The following C1QTNF3 variants were observed in gnomAD, a reference collection of about 807,000 sequenced individuals.
C1QTNF3 encodes the protein complement C1q tumor necrosis factor-related protein 3.
In C1QTNF3, 26 loss-of-function variants were observed where a neutral mutation model predicts 32.6. The ratio of observed to expected loss-of-function variants is 0.80; its 90% confidence interval spans 0.58 to 1.11. C1QTNF3 has a LOEUF of 1.11. C1QTNF3 is among the 50% of genes least tolerant of loss of function. The pLI is 0.00. For missense variants in C1QTNF3, 362 were observed against 398.2 expected (o/e 0.91, Z 0.77); for synonymous variants, 155 against 146.0 (o/e 1.06, Z -0.44).
chr5:34,220,493 T>C, the C1QTNF3 span, among the ~76,000 whole-genome samples: 1 of 145,772 alleles, frequency 6.9e-6, no homozygotes, highest in African/African-American at 2.5e-5. Context: ...TCAGTTAGCA[T>C]ACACACACAC....
At chr5:34,105,153 TCA>T in the C1QTNF3 span, among the ~76,000 whole-genome samples, 2 of 152,226 alleles carry the variant, frequency 1.3e-5, no homozygotes, top group African/African-American at 4.8e-5. Flanking sequence ...ACATGCACAT[TCA>T]GTTTAATTCT....
the C1QTNF3 span, among the ~76,000 whole-genome samples, chr5:34,201,237 G>C: frequency 6.6e-6 from 1 of 151,860 alleles, no homozygotes; most frequent in African/African-American, 2.4e-5. Flanking sequence ...TACAGCATTA[G>C]AAAAGATAAT....
At chr5:34,227,630 T>C in the C1QTNF3 span, among the ~76,000 whole-genome samples, 2 of 151,948 alleles carry the variant, frequency 1.3e-5, no homozygotes, top group Non-Finnish European at 2.9e-5. Flanking sequence ...CCTGTGTTGT[T>C]GAGGAGTCAA....
chr5:34,050,566 A>G, the C1QTNF3 span, among the ~76,000 whole-genome samples: 1 of 152,184 alleles, frequency 6.6e-6, no homozygotes, highest in Non-Finnish European at 1.5e-5. Flanking sequence ...AATTTCCAGT[A>G]TATTTATTGT....
the C1QTNF3 span, among the ~76,000 whole-genome samples, chr5:34,223,050 G>T: frequency 6.6e-6 from 1 of 151,456 alleles, no homozygotes; most frequent in Admixed American, 6.6e-5. Context: ...TCAAGTTTTA[G>T]GGTACATGTG....
the C1QTNF3 span, among the ~76,000 whole-genome samples, chr5:34,121,351 G>C: frequency 6.9e-4 from 105 of 152,120 alleles, no homozygotes; most frequent in South Asian, 3.7e-3. Flanking sequence ...ACCTGAGACT[G>C]GGAAGAAAAG....
At chr5:34,046,291 G>A (rs1754985043), upstream of C1QTNF3, among the ~76,000 whole-genome samples, 1 of 152,172 alleles carries the variant, frequency 6.6e-6, no homozygotes, top group Non-Finnish European at 1.5e-5. Flanking sequence ...CCTGAGTCAT[G>A]AATTGCTGTT....
chr5:34,211,569 G>A, the C1QTNF3 span, among the ~76,000 whole-genome samples: 59 of 121,904 alleles, frequency 4.8e-4, no homozygotes, highest in East Asian at 0.013. Context: ...AGTCCCCAGA[G>A]TGTGATGTTC....
upstream of C1QTNF3, chr5:34,043,645 T>C (rs1754930423): frequency 6.5e-6 from 1 of 154,494 alleles, no homozygotes; most frequent in Non-Finnish European, 1.4e-5. Flanking sequence ...CTAGCTGTAC[T>C]GTTAGTATTT....
the C1QTNF3 span, among the ~76,000 whole-genome samples, chr5:34,112,806 C>G: frequency 7.2e-5 from 11 of 152,288 alleles, no homozygotes; most frequent in East Asian, 1.9e-3. Context: ...AATAAATAAT[C>G]AAATTCAAGT....
chr5:34,164,265 G>GTCTA, the C1QTNF3 span, among the ~76,000 whole-genome samples: 1 of 152,092 alleles, frequency 6.6e-6, no homozygotes, highest in Non-Finnish European at 1.5e-5. Flanking sequence ...AGACTGTGAT[G>GTCTA]TCTATTGCCA....
the C1QTNF3 span, among the ~76,000 whole-genome samples, chr5:34,058,298 G>A: frequency 6.6e-6 from 1 of 151,984 alleles, no homozygotes; most frequent in Non-Finnish European, 1.5e-5. Flanking sequence ...CTGAATTATG[G>A]TTTTGTCATC....
At chr5:34,238,455 G>A in the C1QTNF3 span, among the ~76,000 whole-genome samples, 2 of 152,048 alleles carry the variant, frequency 1.3e-5, no homozygotes, top group African/African-American at 4.8e-5. Context: ...AATTTCTAGA[G>A]CAGAAAAAAT....
At chr5:34,130,123 T>A in the C1QTNF3 span, among the ~76,000 whole-genome samples, 3 of 148,252 alleles carry the variant, frequency 2.0e-5, no homozygotes, top group Admixed American at 6.7e-5. Flanking sequence ...GATCACTATT[T>A]TATATATATA....
upstream of C1QTNF3, chr5:34,043,671 C>CT (rs1474033571): frequency 6.5e-6 from 1 of 153,146 alleles, no homozygotes; most frequent in African/African-American, 2.4e-5. Flanking sequence ...CTTTGGCCCA[C>CT]TTAAGGTAAC....
chr5:34,033,286 G>A lies in C1QTNF3; in HGVS notation c.570+18C>T, dbSNP rs1012509142. ...GCAGGTTGGAAAGCCACCAGGAGAT[G>A]TACCGAGGATGGTTTACCTGAAGTT... On this transcript the variant is annotated intron_variant, in intron 3 of 5. Coordinates refer to ENST00000382065, the MANE Select transcript of C1QTNF3 (RefSeq NM_181435.6). 1.2e-6 allele frequency: 2 copies of A among 1,612,238 alleles called. No individual in the cohort carries two copies. The highest frequency in any genetic ancestry group is 1.3e-5 in the African/African-American group (1 of 74,768).
chr5:34,178,772 C>T, the C1QTNF3 span, among the ~76,000 whole-genome samples: 190 of 150,718 alleles, frequency 1.3e-3, no homozygotes, highest in African/African-American at 4.6e-3. Context: ...CGGCTGAGTG[C>T]GGTGGCACAC....
chr5:34,211,945 A>G, the C1QTNF3 span, among the ~76,000 whole-genome samples: 2 of 152,176 alleles, frequency 1.3e-5, no homozygotes, highest in African/African-American at 4.8e-5. Flanking sequence ...CGCATCGCCA[A>G]GTCAGTCCTA....
chr5:34,145,814 C>T, the C1QTNF3 span, among the ~76,000 whole-genome samples: 1 of 151,682 alleles, frequency 6.6e-6, no homozygotes, highest in South Asian at 2.1e-4. Flanking sequence ...CCATGATCAA[C>T]AAGGTTTTAT....
Sources: gnomAD v4.1 joint callset for allele counts (sites outside exome capture counted in the v4.1 genomes callset) on GRCh38, gnomAD v4.1.1 for gene constraint, MANE v1.5 for transcripts, NCBI Gene and HGNC (gene_info 2026-07-23, HGNC 2026-07-21) for gene names.